Variants in TENM3 observed in about 807,000 individuals in gnomAD.
The protein encoded by TENM3 is teneurin-3.
A neutral mutation model predicts 255.1 loss-of-function variants in TENM3; 63 were observed. The ratio of observed to expected loss-of-function variants is 0.25; its 90% CI spans 0.20 to 0.30. The LOEUF (loss-of-function observed/expected upper bound fraction) is 0.30, where lower values mean the gene tolerates loss of function less well. Ranked by LOEUF, TENM3 falls within the 10% of genes least tolerant of loss-of-function variation. TENM3 has a pLI of 1.00. For synonymous variants in TENM3, 1,306 were observed against 1,322.3 expected (o/e 0.99, Z 0.27); for missense variants, 2,929 against 3,461.1 (o/e 0.85, Z 3.86).
At chr4:181,587,073 C>T in the TENM3 span, among the ~76,000 whole-genome samples, 6 of 152,238 alleles carry the variant, frequency 3.9e-5, no homozygotes, top group South Asian at 4.2e-4. Context: ...GGTCAGTCTT[C>T]CTCCTGTTTA....
chr4:182,802,360 ACATGATT>A lies in TENM3; in HGVS notation c.*2011_*2017del, dbSNP rs1486988220. 6.6e-6 allele frequency: 1 copy of A among 152,640 alleles called. No individual in the cohort carries two copies. Among genetic ancestry groups the A allele is most frequent in the Non-Finnish European group, 1.5e-5 (1 of 68,038 alleles). The allele number at this position is 152,640 out of a possible 1,614,324, so 9.5% of individuals were successfully genotyped here. On this transcript the variant is annotated 3_prime_UTR_variant, in exon 28 of 28. Transcript: ENST00000511685. Reference sequence around the variant, plus strand: ...AACTATGAGATTTCAAACCACATAAACATGATTCTGTTTTCCATTTTATTTTTTAACT... The same window carrying A: ...AACTATGAGATTTCAAACCACATAAACTGTTTTCCATTTTATTTTTTAACT...
the TENM3 span, among the ~76,000 whole-genome samples, chr4:181,564,355 T>C: frequency 6.6e-6 from 1 of 152,192 alleles, no homozygotes; most frequent in South Asian, 2.1e-4. Context: ...GCACTGTTTT[T>C]TGCCTATTTA....
chr4:181,921,174 T>C, the TENM3 span, among the ~76,000 whole-genome samples: 1 of 152,186 alleles, frequency 6.6e-6, no homozygotes, highest in Admixed American at 6.5e-5. Flanking sequence ...GCGTGATGCC[T>C]CCAGCTTTGT....
chr4:181,639,664 C>T, the TENM3 span, among the ~76,000 whole-genome samples: 17 of 152,294 alleles, frequency 1.1e-4, no homozygotes, highest in African/African-American at 4.1e-4. Flanking sequence ...CGCTTGAACC[C>T]AGGAGGCAGA....
intron 3 of TENM3, among the ~76,000 whole-genome samples, chr4:182,502,910 CTTTT>C (rs10671906): frequency 2.7e-4 from 21 of 77,370 alleles, no homozygotes; most frequent in Non-Finnish European, 4.0e-4. Context: ...TGAAGTCAGC[CTTTT>C]TTTTTTTTTT....
intron 3 of TENM3, among the ~76,000 whole-genome samples, chr4:182,522,448 T>C (rs7684864): frequency 0.39 from 58,580 of 152,078 alleles, 11,543 homozygotes; most frequent in Admixed American, 0.43. Flanking sequence ...TGTGTCTTCC[T>C]GTGCCTGGCT....
intron 24 of TENM3, among the ~76,000 whole-genome samples, chr4:182,786,998 G>C (rs1391425586): frequency 6.6e-6 from 1 of 152,070 alleles, no homozygotes; most frequent in Non-Finnish European, 1.5e-5. Flanking sequence ...TGAAGAACTT[G>C]ATTCTGCCAT....
At chr4:182,431,945 G>A (rs1339564076) in intron 3 of TENM3, among the ~76,000 whole-genome samples, 2 of 151,660 alleles carry the variant, frequency 1.3e-5, no homozygotes, top group African/African-American at 4.8e-5. Flanking sequence ...GGGTGGTGGC[G>A]GGTGCCTGTA....
intron 12 of TENM3, among the ~76,000 whole-genome samples, chr4:182,704,702 A>G (rs1275050278): frequency 6.6e-6 from 1 of 152,248 alleles, no homozygotes; most frequent in African/African-American, 2.4e-5. Flanking sequence ...AACTGTAAAA[A>G]GAATAAAATA....
chr4:182,040,632 C>T, the TENM3 span, among the ~76,000 whole-genome samples: 176 of 152,262 alleles, frequency 1.2e-3, no homozygotes, highest in African/African-American at 4.0e-3. Context: ...TTCAATTTCC[C>T]AAGTCACCAA....
the TENM3 span, among the ~76,000 whole-genome samples, chr4:182,115,295 A>G: frequency 8.2e-4 from 125 of 152,334 alleles, no homozygotes; most frequent in South Asian, 0.014. Context: ...GTTATTTCAC[A>G]TACTACCCTT....
the TENM3 span, among the ~76,000 whole-genome samples, chr4:181,579,933 AATTTTATTTTATTTT>A: frequency 0.055 from 6,931 of 126,460 alleles, 275 homozygotes; most frequent in Middle Eastern, 0.088. Context: ...AAGTACCTAC[AATTTTATTTTATTTT>A]ATTTTATTTT....
the TENM3 span, among the ~76,000 whole-genome samples, chr4:181,740,070 A>G: frequency 6.6e-6 from 1 of 152,196 alleles, no homozygotes; most frequent in Admixed American, 6.5e-5. Flanking sequence ...CAACCAAAGC[A>G]CATACCGAAA....
the TENM3 span, among the ~76,000 whole-genome samples, chr4:181,685,510 G>T: frequency 6.6e-6 from 1 of 152,244 alleles, no homozygotes; most frequent in South Asian, 2.1e-4. Context: ...CTTTAGGCAG[G>T]TTTACAATTT....
At chr4:181,497,290 C>T in the TENM3 span, among the ~76,000 whole-genome samples, 1 of 152,098 alleles carries the variant, frequency 6.6e-6, no homozygotes, top group Non-Finnish European at 1.5e-5. Context: ...CCCTCATCAG[C>T]GAAGTTATAA....
At chr4:181,514,612 T>C in the TENM3 span, among the ~76,000 whole-genome samples, 90,688 of 151,966 alleles carry the variant, frequency 0.6, 27,383 homozygotes, top group Non-Finnish European at 0.65. Context: ...GTTGAGGCAG[T>C]GTGCGAAGGT....
chr4:181,640,628 C>T, the TENM3 span, among the ~76,000 whole-genome samples: 1 of 152,142 alleles, frequency 6.6e-6, no homozygotes, highest in Non-Finnish European at 1.5e-5. Flanking sequence ...TTTTGTTTGC[C>T]CCTCCAGACG....
At chr4:181,517,114 C>T in the TENM3 span, among the ~76,000 whole-genome samples, 2 of 151,452 alleles carry the variant, frequency 1.3e-5, no homozygotes, top group South Asian at 2.1e-4. Context: ...CAATTATATC[C>T]TTAATGAATG....
intron 2 of TENM3, among the ~76,000 whole-genome samples, chr4:182,335,159 C>G (rs909273178): frequency 6.6e-6 from 1 of 151,864 alleles, no homozygotes; most frequent in Admixed American, 6.6e-5. Flanking sequence ...TTCTCGCTAC[C>G]CCTCTCTTTT....
Sources: gnomAD v4.1 joint callset for allele counts (sites outside exome capture counted in the v4.1 genomes callset) on GRCh38, gnomAD v4.1.1 for gene constraint, MANE v1.5 for transcripts, NCBI Gene and HGNC (gene_info 2026-07-23, HGNC 2026-07-21) for gene names.